The following BPIFA2 variants were observed in gnomAD, a reference collection of about 807,000 sequenced individuals.
BPIFA2 encodes the protein BPI fold containing family A member 2.
A neutral mutation model predicts 25.7 loss-of-function variants in BPIFA2; 20 were observed. The observed-to-expected ratio is 0.78, with a 90% CI of 0.55 to 1.13. The LOEUF (loss-of-function observed/expected upper bound fraction) is 1.13, where lower values mean the gene tolerates loss of function less well. Ranked by LOEUF, BPIFA2 falls within the 50% of genes most tolerant of loss-of-function variation. The probability of loss-of-function intolerance (pLI) is 0.00; values close to 1 mark genes in which losing one functional copy is unlikely to be tolerated. For missense variants in BPIFA2, 300 were observed against 298.1 expected, an observed-to-expected ratio of 1.01 and a Z score of -0.05; for synonymous variants, 126 against 124.3, an observed-to-expected ratio of 1.01 and a Z score of -0.09.
intron 3 of BPIFA2, among the ~76,000 whole-genome samples, chr20:33,173,666 G>A (rs560872161): frequency 1.1e-4 from 16 of 152,206 alleles, no homozygotes; most frequent in South Asian, 4.1e-4. Flanking sequence ...CACCACGCCC[G>A]GCTAATTTTG....
intron 4 of BPIFA2, 63 bp downstream of exon 4, chr20:33,174,249 A>C: frequency 6.8e-7 from 1 of 1,478,582 alleles, no homozygotes; most frequent in South Asian, 1.1e-5. Context: ...TGGATGCCCA[A>C]CCTGGGAATC....
chr20:33,176,263 A>G (rs1984072123), intron 5 of BPIFA2, among the ~76,000 whole-genome samples: 1 of 152,200 alleles, frequency 6.6e-6, no homozygotes, highest in Non-Finnish European at 1.5e-5. Context: ...CACAAAATCT[A>G]CATCTTAAGC....
At chr20:33,179,065 T>C (rs1366529191) in intron 6 of BPIFA2, among the ~76,000 whole-genome samples, 1 of 152,152 alleles carries the variant, frequency 6.6e-6, no homozygotes, top group African/African-American at 2.4e-5. Flanking sequence ...ATTCTAGTGT[T>C]CTAAGGTGTT....
Position 33,174,855 on chromosome 20 carries a change from G to A in BPIFA2, c.411-552G>A, listed in dbSNP as rs181697734. ...GAGCCGGAGAGGTCGAGGCTGCAGT[G>A]AGCCGTGATTGCACCACTGCATTCC... On this transcript the variant is annotated intron_variant, in intron 4 of 8. Transcript: ENST00000354932. Among the ~76,000 whole-genome samples, 17 of 152,326 alleles carry A rather than the reference G, an allele frequency of 1.1e-4. No homozygotes were observed. The East Asian group carries it at 3.3e-3, about 29-fold the overall frequency.
Position 33,179,635 on chromosome 20 carries a change from C to A in BPIFA2, c.677C>A (p.Ser226Tyr). The change falls in exon 7 of 9, where the codon TCC (serine) becomes TAC (tyrosine). Residue 226 changes from serine to tyrosine, a missense_variant. Ser to Tyr is a moderately radical substitution (Grantham distance 144, BLOSUM62 -2). Transcript: ENST00000354932. ...ICPLIRIFIH[S>Y]LDVNVIQQVV... ...CCACTGATCCGCATCTTCATCCACT[C>A]CCTGGATGTGAATGTCATTCAGCAG... 1.2e-6 allele frequency: 2 copies of A among 1,613,066 alleles called. No individual in the cohort carries two copies. Among genetic ancestry groups the A allele is most frequent in the Non-Finnish European group, 1.7e-6 (2 of 1,179,174 alleles).
intron 1 of BPIFA2, among the ~76,000 whole-genome samples, chr20:33,162,263 G>A (rs143027829): frequency 0.01 from 1,550 of 152,246 alleles, 35 homozygotes; most frequent in African/African-American, 0.036. Context: ...TTACAGGCAT[G>A]AGCCACTGTG....
intron 6 of BPIFA2, among the ~76,000 whole-genome samples, chr20:33,178,988 T>G (rs1313354035): frequency 6.6e-6 from 1 of 152,158 alleles, no homozygotes; most frequent in Non-Finnish European, 1.5e-5. Flanking sequence ...CCCTTTAAAA[T>G]TCCAGGGTTC....
rs1245653888 is a variant in BPIFA2 at position 33,172,810 on chromosome 20, T to A, written c.158-122T>A. 3 of 1,102,084 alleles carry A rather than the reference T, an allele frequency of 2.7e-6. No individual in the cohort carries two copies. The Admixed American group carries it at 8.9e-5, about 33-fold the overall frequency. The allele number at this position is 1,102,084 out of a possible 1,614,324, so 68.3% of individuals were successfully genotyped here. A position where few individuals can be genotyped will look rare whatever the true frequency, so the allele number is the denominator to read the frequency against. ...AAAAGCAGACAGTGACAATATCTACTTCACTGAGTTGTTATAAAGATTAAA... is the reference window on the plus strand; with the variant it reads ...AAAAGCAGACAGTGACAATATCTACATCACTGAGTTGTTATAAAGATTAAA... On this transcript the variant is annotated intron_variant, in intron 2 of 8. Coordinates refer to ENST00000354932, the MANE Select transcript of BPIFA2 (RefSeq NM_080574.4).
At chr20:33,166,811 G>A (rs950831242), upstream of BPIFA2, among the ~76,000 whole-genome samples, 8 of 152,198 alleles carry the variant, frequency 5.3e-5, no homozygotes, top group Non-Finnish European at 7.4e-5. Flanking sequence ...ACCAGGTCTC[G>A]AGGTCACTGC....
upstream of BPIFA2, among the ~76,000 whole-genome samples, chr20:33,166,752 C>A (rs1983738534): frequency 6.6e-6 from 1 of 152,216 alleles, no homozygotes; most frequent in Non-Finnish European, 1.5e-5. Flanking sequence ...GATCCAGGAA[C>A]AGCGTGTTTA....
chr20:33,181,020 G>T (rs1984263380), intron 8 of BPIFA2, among the ~76,000 whole-genome samples: 1 of 152,176 alleles, frequency 6.6e-6, no homozygotes. Flanking sequence ...AGATGAGTCA[G>T]TGCCAGGTGC....
At chr20:33,179,021 A>G (rs1375114314) in intron 6 of BPIFA2, among the ~76,000 whole-genome samples, 1 of 152,218 alleles carries the variant, frequency 6.6e-6, no homozygotes, top group Non-Finnish European at 1.5e-5. Flanking sequence ...TGGGAATGTT[A>G]ACAATCTAGA....
chr20:33,167,910 C>T (rs984620382), upstream of BPIFA2, among the ~76,000 whole-genome samples: 8 of 152,232 alleles, frequency 5.3e-5, no homozygotes, highest in African/African-American at 1.9e-4. Context: ...AGGACCACCC[C>T]CTCGGTAGCT....
At chr20:33,162,314 G>C (rs1349799305) in intron 1 of BPIFA2, among the ~76,000 whole-genome samples, 1 of 152,084 alleles carries the variant, frequency 6.6e-6, no homozygotes, top group Non-Finnish European at 1.5e-5. Context: ...TTTTGATTGA[G>C]TGGCCACCAC....
intron 2 of BPIFA2, 138 bp downstream of exon 2, chr20:33,169,440 AT>A (rs1983830921): frequency 2.6e-6 from 2 of 759,634 alleles, no homozygotes; most frequent in East Asian, 5.4e-5. Flanking sequence ...TTCCTGACTC[AT>A]TCGTTTATCT....
intron 6 of BPIFA2, among the ~76,000 whole-genome samples, chr20:33,178,552 A>C (rs1047215748): frequency 6.6e-6 from 1 of 152,226 alleles, no homozygotes; most frequent in African/African-American, 2.4e-5. Flanking sequence ...TAAAAATAAA[A>C]CTTTATATCC....
intron 6 of BPIFA2, 117 bp from the exon 7 acceptor site, chr20:33,179,486 TA>T: frequency 1.2e-6 from 1 of 809,920 alleles, no homozygotes; most frequent in Non-Finnish European, 2.1e-6. Flanking sequence ...TCAAAGATTC[TA>T]AGATCCCTAG....
intron 8 of BPIFA2, 124 bp downstream of exon 8, chr20:33,180,721 G>A: frequency 5.5e-6 from 4 of 730,118 alleles, no homozygotes; most frequent in South Asian, 1.8e-5. Flanking sequence ...TTGAGCCCTG[G>A]CCCCCATCCC....
intron 7 of BPIFA2, 85 bp downstream of exon 7, chr20:33,179,752 T>C: frequency 7.3e-7 from 1 of 1,370,502 alleles, no homozygotes; most frequent in Non-Finnish European, 1.0e-6. Context: ...CAGGGGACCC[T>C]GGAGAAGCAG....
Sources: gnomAD v4.1 joint callset for allele counts (sites outside exome capture counted in the v4.1 genomes callset) on GRCh38, gnomAD v4.1.1 for gene constraint, MANE v1.5 for transcripts, NCBI Gene and HGNC (gene_info 2026-07-23, HGNC 2026-07-21) for gene names.